Variants in RASEF observed in about 807,000 individuals in gnomAD.
RASEF encodes RAS and EF-hand domain containing.
RASEF carries 68 observed loss-of-function variants against 90.1 expected under a neutral mutation model. The ratio of observed to expected loss-of-function variants is 0.75; its 90% CI spans 0.62 to 0.92. RASEF has a LOEUF of 0.92. Ranked by LOEUF, RASEF falls within the 40% of genes least tolerant of loss-of-function variation. The probability of loss-of-function intolerance (pLI) is 0.00; values close to 1 mark genes in which losing one functional copy is unlikely to be tolerated. For missense variants in RASEF, 949 were observed against 937.2 expected (o/e 1.01, Z -0.16); for synonymous variants, 331 against 345.2 (o/e 0.96, Z 0.46).
At chr9:82,999,576 C>T (rs1040969280) in intron 12 of RASEF, among the ~76,000 whole-genome samples, 1 of 151,380 alleles carries the variant, frequency 6.6e-6, no homozygotes, top group African/African-American at 2.4e-5. Context: ...AAATTTGATT[C>T]AATTCATCTG....
chr9:83,153,529 TC>T, the RASEF span, among the ~76,000 whole-genome samples: 8 of 152,182 alleles, frequency 5.3e-5, no homozygotes, highest in African/African-American at 1.4e-4. Context: ...GAGCCCCTTT[TC>T]CTTTGTTTCT....
At chr9:83,160,259 C>T in the RASEF span, among the ~76,000 whole-genome samples, 15 of 152,050 alleles carry the variant, frequency 9.9e-5, 1 homozygote, top group Admixed American at 9.2e-4. Flanking sequence ...TTTGGAACTC[C>T]CTAGAGACTT....
the RASEF span, among the ~76,000 whole-genome samples, chr9:83,094,285 C>T: frequency 6.6e-6 from 1 of 150,792 alleles, no homozygotes; most frequent in East Asian, 1.9e-4. Context: ...TATGAAATAC[C>T]CACAACATTG....
At chr9:83,000,703 T>C (rs1428489919) in intron 10 of RASEF, 133 bp from the exon 11 acceptor site, 1 of 938,128 alleles carries the variant, frequency 1.1e-6, no homozygotes, top group Non-Finnish European at 1.6e-6. Flanking sequence ...CTATTAATAT[T>C]AGGGAATAGA....
intron 7 of RASEF, among the ~76,000 whole-genome samples, chr9:83,006,025 G>A (rs564079203): frequency 6.6e-6 from 1 of 152,320 alleles, no homozygotes; most frequent in East Asian, 1.9e-4. Flanking sequence ...ATTTCCATAT[G>A]ACTTAACAGA....
At chr9:83,215,844 T>C in the RASEF span, among the ~76,000 whole-genome samples, 52 of 152,300 alleles carry the variant, frequency 3.4e-4, no homozygotes, top group African/African-American at 1.1e-3. Flanking sequence ...CAGGAAGATA[T>C]GGGAAAGTTT....
chr9:83,012,218 T>C (rs1829259368), intron 5 of RASEF, among the ~76,000 whole-genome samples: 1 of 152,210 alleles, frequency 6.6e-6, no homozygotes, highest in African/African-American at 2.4e-5. Flanking sequence ...TTTATTACTT[T>C]GTATGAAAAA....
chr9:83,004,567 G>A lies in RASEF; in HGVS notation c.1133C>T (p.Pro378Leu), dbSNP rs764797965. 5.7e-6 allele frequency: 9 copies of A among 1,584,674 alleles called. No individual in the cohort carries two copies. Among genetic ancestry groups the A allele is most frequent in the South Asian group, 5.5e-5 (5 of 90,534 alleles). Residue 378 changes from proline to leucine, a missense_variant, in exon 9 of 17, where the codon CCA (proline) becomes CTA (leucine). Pro to Leu is a moderately conservative substitution (Grantham distance 98). Transcript: ENST00000376447. ...ACTGCTTCTAGAAATTGTATTCCCT[G>A]GTGAGATATTATTTATATGCTGTAA... ...NRSLHINNISPGNTISRSSPK... is the reference protein window; with the variant it reads ...NRSLHINNISLGNTISRSSPK...
chr9:83,017,103 C>A (rs1266450278), intron 3 of RASEF, among the ~76,000 whole-genome samples: 1 of 152,058 alleles, frequency 6.6e-6, no homozygotes, highest in African/African-American at 2.4e-5. Context: ...AATGAGGCAG[C>A]CTTCCTGGCC....
At chr9:83,158,648 CCAAAT>C in the RASEF span, among the ~76,000 whole-genome samples, 1 of 4,232 alleles carries the variant, frequency 2.4e-4, no homozygotes, top group Non-Finnish European at 3.9e-4. Flanking sequence ...GTATATATGT[CCAAAT>C]ATATACATAT....
chr9:83,028,255 T>C (rs1003044750), intron 1 of RASEF, among the ~76,000 whole-genome samples: 2 of 152,242 alleles, frequency 1.3e-5, no homozygotes, highest in Non-Finnish European at 2.9e-5. Flanking sequence ...TTATGTTTGG[T>C]GATCTGGTTC....
chr9:83,045,837 AGCT>A (rs1829918884), intron 1 of RASEF, among the ~76,000 whole-genome samples: 1 of 152,190 alleles, frequency 6.6e-6, no homozygotes, highest in Non-Finnish European at 1.5e-5. Flanking sequence ...GTCCATTAAC[AGCT>A]GCACACAGCA....
At chr9:83,102,749 G>A in the RASEF span, among the ~76,000 whole-genome samples, 1 of 152,144 alleles carries the variant, frequency 6.6e-6, no homozygotes, top group East Asian at 1.9e-4. Flanking sequence ...GCCAGGCTCT[G>A]GGGCACAGGG....
At chr9:83,203,371 G>A in the RASEF span, among the ~76,000 whole-genome samples, 1 of 151,766 alleles carries the variant, frequency 6.6e-6, no homozygotes, top group Admixed American at 6.6e-5. Flanking sequence ...CGCCTCCCAG[G>A]TTCAAGCAAT....
intron 12 of RASEF, among the ~76,000 whole-genome samples, chr9:82,998,752 T>G (rs1289431708): frequency 3.3e-5 from 5 of 152,090 alleles, no homozygotes; most frequent in Non-Finnish European, 5.9e-5. Flanking sequence ...TGTGTGTGTG[T>G]GTGGGTGTGT....
the RASEF span, among the ~76,000 whole-genome samples, chr9:83,207,598 CTTTTTTTTTTTTT>C: frequency 9.1e-4 from 78 of 85,468 alleles, no homozygotes; most frequent in Middle Eastern, 7.7e-3. Flanking sequence ...AGGAGGGCTG[CTTTTTTTTTTTTT>C]TTTTTTTTTT....
the RASEF span, among the ~76,000 whole-genome samples, chr9:83,126,361 T>C: frequency 6.6e-6 from 1 of 152,192 alleles, no homozygotes; most frequent in Non-Finnish European, 1.5e-5. Context: ...AGCCCTCATC[T>C]GGAACCCTAT....
chr9:83,126,798 A>G, the RASEF span, among the ~76,000 whole-genome samples: 2 of 152,352 alleles, frequency 1.3e-5, no homozygotes, highest in South Asian at 2.1e-4. Context: ...TAATTTTATT[A>G]AAAACACAAT....
At chr9:83,048,561 T>C (rs1470449396) in intron 1 of RASEF, 2 of 984,502 alleles carry the variant, frequency 2.0e-6, no homozygotes, top group Non-Finnish European at 2.4e-6. Flanking sequence ...AAGGAATGAA[T>C]GAGTAAATGA....
Sources: allele counts gnomAD v4.1 joint callset (sites outside exome capture counted in the v4.1 genomes callset), GRCh38; gene constraint gnomAD v4.1.1; transcripts MANE v1.5; gene names NCBI Gene and HGNC (gene_info 2026-07-23, HGNC 2026-07-21).